AGBL1: variants seen among roughly 807,000 people sequenced by gnomAD.
AGBL1 encodes the protein AGBL carboxypeptidase 1.
AGBL1 carries 130 observed loss-of-function variants against 118.9 expected under a neutral mutation model. That is an observed-to-expected ratio of 1.09 (90% CI 0.95 to 1.26). The LOEUF (loss-of-function observed/expected upper bound fraction) is 1.26. Among genes scored for constraint, AGBL1 ranks in the 50% most tolerant of loss-of-function variants. AGBL1 has a pLI of 0.00. For synonymous variants in AGBL1, 555 were observed against 478.9 expected, an observed-to-expected ratio of 1.16 and a Z score of -2.08; for missense variants, 1,584 against 1,298.1, an observed-to-expected ratio of 1.22 and a Z score of -3.38.
intron 21 of AGBL1, among the ~76,000 whole-genome samples, chr15:86,582,814 GA>G (rs1269778122): frequency 2.1e-5 from 3 of 144,468 alleles, no homozygotes; most frequent in Non-Finnish European, 3.0e-5. Flanking sequence ...TGAACAATGA[GA>G]ACACATGGAC....
chr15:86,248,829 C>T (rs139917755), intron 7 of AGBL1, among the ~76,000 whole-genome samples: 3 of 152,264 alleles, frequency 2.0e-5, no homozygotes, highest in African/African-American at 7.2e-5. Flanking sequence ...CATAGGTCTA[C>T]AGGGGCTGCC....
chr15:86,840,209 T>C (rs905722879), intron 22 of AGBL1, among the ~76,000 whole-genome samples: 1 of 152,194 alleles, frequency 6.6e-6, no homozygotes, highest in African/African-American at 2.4e-5. Context: ...TTTTGGTTGT[T>C]GTTTTCTTCT....
chr15:86,229,182 GT>G, intron 6 of AGBL1, among the ~76,000 whole-genome samples: 1 of 152,224 alleles, frequency 6.6e-6, no homozygotes, highest in South Asian at 2.1e-4. Context: ...CATGTCCTTT[GT>G]TTTTCCCTCT....
intron 19 of AGBL1, among the ~76,000 whole-genome samples, chr15:86,540,586 T>TA (rs572830313): frequency 1.3e-4 from 20 of 150,838 alleles, no homozygotes; most frequent in African/African-American, 3.2e-4. Context: ...GACTCTGTCT[T>TA]AAAAAAAAAT....
At chr15:86,813,650 G>A (rs112289279) in intron 22 of AGBL1, among the ~76,000 whole-genome samples, 1,571 of 152,218 alleles carry the variant, frequency 0.01, 12 homozygotes, top group Non-Finnish European at 0.015. Flanking sequence ...CTCGTGGGTG[G>A]CAGCATTATT....
At chr15:86,980,223 T>C (rs191195866) in intron 23 of AGBL1, among the ~76,000 whole-genome samples, 116 of 152,344 alleles carry the variant, frequency 7.6e-4, no homozygotes, top group African/African-American at 2.6e-3. Context: ...CTCTGAATAA[T>C]TGGTTGGTAC....
Position 86,644,661 on chromosome 15 carries a change from A to G in AGBL1, c.2995-29612A>G, listed in dbSNP as rs148879272. 2.7e-3 allele frequency among the ~76,000 whole-genome samples: 414 copies of G among 151,740 alleles called. 1 individual carries two copies. The highest frequency in any genetic ancestry group is 9.2e-3 in the African/African-American group (380 of 41,342). On this transcript the variant is annotated intron_variant, in intron 21 of 22. Coordinates refer to ENST00000614907, the MANE Select transcript of AGBL1 (RefSeq NM_001386094.1). ...CAAAAAAAAAAAAAAAATCAATATC[A>G]TGAAAGACCAGAAAAGCAAACAAAC...
intron 17 of AGBL1, among the ~76,000 whole-genome samples, chr15:86,366,149 C>G (rs1031385435): frequency 6.6e-6 from 1 of 152,080 alleles, no homozygotes; most frequent in African/African-American, 2.4e-5. Context: ...AGAAATTTAT[C>G]TAGAAAAGGC....
chr15:86,920,428 G>A (rs144293210), downstream of AGBL1, among the ~76,000 whole-genome samples: 215 of 152,282 alleles, frequency 1.4e-3, 1 homozygote, highest in Middle Eastern at 0.017. Flanking sequence ...GACCCACCCT[G>A]ATCATCTATT....
At chr15:86,212,775 A>G (rs2078122050) in intron 5 of AGBL1, among the ~76,000 whole-genome samples, 2 of 152,040 alleles carry the variant, frequency 1.3e-5, no homozygotes, top group African/African-American at 4.8e-5. Flanking sequence ...TCAGCCTCCC[A>G]AGTAGCTGGG....
intron 4 of AGBL1, 78 bp from the exon 5 acceptor site, chr15:86,158,855 A>G: frequency 7.8e-7 from 1 of 1,287,804 alleles, no homozygotes. Context: ...TTAAAGATTT[A>G]AAGGAGTCAA....
intron 23 of AGBL1, among the ~76,000 whole-genome samples, chr15:86,963,465 C>T (rs899573652): frequency 6.6e-6 from 1 of 151,786 alleles, no homozygotes; most frequent in African/African-American, 2.4e-5. Flanking sequence ...ATAAACTTTC[C>T]AATCAAAGGG....
chr15:86,399,139 G>C (rs1159731870), intron 18 of AGBL1, among the ~76,000 whole-genome samples: 1 of 152,146 alleles, frequency 6.6e-6, no homozygotes, highest in Non-Finnish European at 1.5e-5. Context: ...AACTCGATCA[G>C]ACCTTGGAAA....
intron 15 of AGBL1, among the ~76,000 whole-genome samples, chr15:86,276,253 A>G (rs1319315661): frequency 1.3e-5 from 2 of 152,206 alleles, no homozygotes; most frequent in Non-Finnish European, 2.9e-5. Context: ...TGGGCATAAG[A>G]CATCTTGTCC....
At chr15:87,027,487 G>GAT (rs561789019) in intron 24 of AGBL1, among the ~76,000 whole-genome samples, 9 of 135,864 alleles carry the variant, frequency 6.6e-5, no homozygotes, top group African/African-American at 2.3e-4. Context: ...ACATTATATA[G>GAT]ATGTATTATG....
chr15:86,103,429 G>A (rs533931912), intron 1 of AGBL1, among the ~76,000 whole-genome samples: 34 of 151,864 alleles, frequency 2.2e-4, no homozygotes, highest in Non-Finnish European at 2.1e-4. Context: ...TTCATGTTTC[G>A]TTTGTCCTTA....
chr15:86,358,401 G>A (rs894434405), intron 17 of AGBL1, among the ~76,000 whole-genome samples: 11 of 152,006 alleles, frequency 7.2e-5, no homozygotes, highest in African/African-American at 2.4e-4. Flanking sequence ...TTATATATAT[G>A]TACACATTTT....
intron 5 of AGBL1, among the ~76,000 whole-genome samples, chr15:86,169,370 A>G (rs1310267472): frequency 6.6e-6 from 1 of 152,236 alleles, no homozygotes; most frequent in Non-Finnish European, 1.5e-5. Context: ...ACACACACAC[A>G]GGACTGGAAG....
chr15:86,828,247 G>A (rs951119487), intron 22 of AGBL1, among the ~76,000 whole-genome samples: 10 of 151,882 alleles, frequency 6.6e-5, no homozygotes, highest in South Asian at 4.2e-4. Flanking sequence ...TCAGCCTGTC[G>A]TACGACTTTT....
Sources: gnomAD v4.1 joint callset for allele counts (sites outside exome capture counted in the v4.1 genomes callset) on GRCh38, gnomAD v4.1.1 for gene constraint, MANE v1.5 for transcripts, NCBI Gene and HGNC (gene_info 2026-07-23, HGNC 2026-07-21) for gene names.